ROPN1: variants seen among roughly 807,000 people sequenced by gnomAD.
ROPN1 encodes the protein ropporin-1A.
In ROPN1, 14 loss-of-function variants were observed where a neutral mutation model predicts 20.5. The observed-to-expected ratio is 0.68, with a 90% CI of 0.45 to 1.07. The LOEUF (loss-of-function observed/expected upper bound fraction) is 1.07, where lower values mean the gene tolerates loss of function less well. Ranked by LOEUF, ROPN1 falls within the 50% of genes least tolerant of loss-of-function variation. The pLI is 0.00. For synonymous variants in ROPN1, 76 were observed against 95.7 expected (o/e 0.79, Z 1.20); for missense variants, 169 against 242.8 (o/e 0.70, Z 2.02).
chr3:123,980,068 G>A (rs1241726026), intron 2 of ROPN1: 3 of 514,278 alleles, frequency 5.8e-6, no homozygotes, highest in Non-Finnish European at 1.0e-5. Context: ...GGAGGTGGGT[G>A]TGCATACGCT....
At chr3:123,982,389 G>C (rs1374807261) in intron 1 of ROPN1, among the ~76,000 whole-genome samples, 1 of 152,114 alleles carries the variant, frequency 6.6e-6, no homozygotes, top group Non-Finnish European at 1.5e-5. Flanking sequence ...ATAATAAAGA[G>C]TAAGGAATGA....
intron 1 of ROPN1, among the ~76,000 whole-genome samples, chr3:123,986,109 A>G (rs768798437): frequency 1.3e-5 from 2 of 150,720 alleles, no homozygotes; most frequent in Non-Finnish European, 1.5e-5. Flanking sequence ...ATGTTTCCAA[A>G]ATTCCCCCTT....
Position 123,980,319 on chromosome 3 carries a change from G to A in ROPN1, c.116+47C>T, listed in dbSNP as rs775861046. ...CCTCCGCGGTTTTACAGGACCCTCT[G>A]TCTCCGGCCGTCCTCCAAGGGGTGA... is the stretch of plus-strand genomic sequence containing the variant. On this transcript the variant is annotated intron_variant, in intron 2 of 5. Coordinates refer to ENST00000405845, the MANE Select transcript of ROPN1 (RefSeq NM_001317774.2). 3 of 1,595,516 alleles carry A rather than the reference G, an allele frequency of 1.9e-6. No homozygotes were observed. The East Asian group carries it at 6.7e-5, about 36-fold the overall frequency.
chr3:123,969,590 G>A (rs1308521112), intron 5 of ROPN1, among the ~76,000 whole-genome samples: 2 of 152,218 alleles, frequency 1.3e-5, no homozygotes, highest in African/African-American at 4.8e-5. Context: ...ACAGGTGTGA[G>A]CCGCCATGAC....
At position 123,980,046 on chromosome 3, in the gene ROPN1, G is replaced by A. The variant is rs528253362; in HGVS notation, c.116+320C>T. The A allele has an allele frequency of 2.0e-5, 10 of 503,296 alleles. No individual in the cohort carries two copies. In the South Asian group the frequency reaches 3.4e-4, roughly 17 times the overall value. The allele number at this position is 503,296 out of a possible 1,614,324, so 31.2% of individuals were successfully genotyped here. ...CTTCTTTCCACCGGGAGTGGGAAAA[G>A]GCGTGCAGGGAGGAGGTGGGTGTGC... On this transcript the variant is annotated intron_variant, in intron 2 of 5. Transcript: ENST00000405845.
intron 4 of ROPN1, chr3:123,974,562 A>G (rs1054713558): frequency 6.6e-6 from 1 of 152,240 alleles, no homozygotes; most frequent in African/African-American, 2.4e-5. Flanking sequence ...GAACAAGATT[A>G]TGTTTAGATA....
chr3:123,972,769 G>T (rs1280377505), intron 4 of ROPN1, among the ~76,000 whole-genome samples: 1 of 152,224 alleles, frequency 6.6e-6, no homozygotes, highest in Non-Finnish European at 1.5e-5. Flanking sequence ...AATTGGCAAA[G>T]GAAAGAGAAA....
intron 2 of ROPN1, chr3:123,979,922 C>A (rs1263408824): frequency 8.6e-6 from 3 of 349,848 alleles, no homozygotes; most frequent in Non-Finnish European, 1.6e-5. Flanking sequence ...ACCCCATCCA[C>A]CCAGGGCTGT....
intron 1 of ROPN1, among the ~76,000 whole-genome samples, chr3:123,987,730 G>T (rs1345935485): frequency 6.6e-6 from 1 of 152,206 alleles, no homozygotes; most frequent in Non-Finnish European, 1.5e-5. Context: ...ATTGCTAAGA[G>T]CAGTCCTACT....
intron 1 of ROPN1, among the ~76,000 whole-genome samples, chr3:123,986,462 A>C (rs1477353750): frequency 2.6e-5 from 4 of 151,832 alleles, no homozygotes; most frequent in Non-Finnish European, 5.9e-5. Context: ...GGTGGTGTTG[A>C]ATGGGGGTGG....
chr3:123,983,395 G>A (rs1418763032), intron 1 of ROPN1, among the ~76,000 whole-genome samples: 1 of 152,016 alleles, frequency 6.6e-6, no homozygotes, highest in Non-Finnish European at 1.5e-5. Context: ...ATTTTGACAG[G>A]ATCTTTTGGT....
At chr3:123,988,439 T>G (rs2038319218) in intron 1 of ROPN1, among the ~76,000 whole-genome samples, 2 of 152,166 alleles carry the variant, frequency 1.3e-5, no homozygotes, top group African/African-American at 4.8e-5. Context: ...AGTCAGAGAT[T>G]TAAAACCTAC....
chr3:123,970,152 G>C lies in ROPN1; in HGVS notation c.462C>G (p.Pro154=), dbSNP rs767440392. 1.9e-6 allele frequency: 3 copies of C among 1,614,076 alleles called. No individual in the cohort carries two copies. The South Asian group carries it at 3.3e-5, about 18-fold the overall frequency. The part of the protein sequence containing the change: ...VLSCDHNGGS[P]RIPFSTFQFL... ...ACTGGAAGGTGCTGAACGGGATCCG[G>C]GGCGACCCACCATTATGGTCACATG... Residue 154 remains proline (P), a synonymous_variant, in exon 5 of 6, where the codon CCC becomes CCG. Coordinates refer to ENST00000405845, the MANE Select transcript of ROPN1 (RefSeq NM_001317774.2).
intron 1 of ROPN1, among the ~76,000 whole-genome samples, chr3:123,987,849 T>A (rs780246523): frequency 4.6e-5 from 7 of 152,246 alleles, no homozygotes; most frequent in Non-Finnish European, 8.8e-5. Flanking sequence ...GTTCTACATG[T>A]TTATTATTTA....
chr3:123,974,648 C>T (rs1168989008), intron 4 of ROPN1: 4 of 152,502 alleles, frequency 2.6e-5, no homozygotes, highest in Non-Finnish European at 5.9e-5. Flanking sequence ...AATTTTCAAA[C>T]TTGTATGTAT....
In ROPN1 at chr3:123,977,815, C is replaced by T. The variant is rs186994929; in HGVS notation, c.117-834G>A. Among the ~76,000 whole-genome samples, 95 of 152,252 alleles carry T rather than the reference C, an allele frequency of 6.2e-4. 1 individual carries two copies. The South Asian group carries it at 9.5e-3, about 15-fold the overall frequency. On this transcript the variant is annotated intron_variant, in intron 2 of 5. Transcript: ENST00000405845. ...GCTCCTCAATGTTTTGTGGAGTGGA[C>T]TTCGTTTGGGGGCATTGTGGAACAA... is the stretch of plus-strand genomic sequence containing the variant.
chr3:123,978,138 G>A (rs1477996639), intron 2 of ROPN1, among the ~76,000 whole-genome samples: 25 of 152,282 alleles, frequency 1.6e-4, no homozygotes, highest in South Asian at 2.1e-4. Context: ...TCTGAGCCAC[G>A]TAGCAAGGCA....
At chr3:123,975,121 A>C (rs2037994690) in intron 4 of ROPN1, 1 of 500,076 alleles carries the variant, frequency 2.0e-6, no homozygotes, top group Non-Finnish European at 3.7e-6. Context: ...GGCAATATTC[A>C]TAAATAATCC....
At chr3:123,987,846 A>G (rs1005258273) in intron 1 of ROPN1, among the ~76,000 whole-genome samples, 39 of 152,316 alleles carry the variant, frequency 2.6e-4, no homozygotes, top group Middle Eastern at 3.4e-3. Flanking sequence ...TGAGTTCTAC[A>G]TGTTTATTAT....
Sources: allele counts gnomAD v4.1 joint callset (sites outside exome capture counted in the v4.1 genomes callset), GRCh38; gene constraint gnomAD v4.1.1; transcripts MANE v1.5; gene names NCBI Gene and HGNC (gene_info 2026-07-23, HGNC 2026-07-21).